LOC128462377: variants seen among roughly 807,000 people sequenced by gnomAD.
At chr16:89,332,890 T>C in the LOC128462377 span, among the ~76,000 whole-genome samples, 1 of 152,258 alleles carries the variant, frequency 6.6e-6, no homozygotes, top group Admixed American at 6.5e-5. Flanking sequence ...GCTGCTTTGT[T>C]TTTTAACGCA....
At chr16:89,332,504 A>G in the LOC128462377 span, among the ~76,000 whole-genome samples, 1 of 152,230 alleles carries the variant, frequency 6.6e-6, no homozygotes, top group African/African-American at 2.4e-5. Flanking sequence ...AATGCAAGAA[A>G]ACAGCCTCGT....
chr16:89,355,128 C>T, the LOC128462377 span, among the ~76,000 whole-genome samples: 1 of 152,166 alleles, frequency 6.6e-6, no homozygotes, highest in African/African-American at 2.4e-5. Context: ...TGTGGTCTCC[C>T]GTCTGGCCAA....
At chr16:89,376,931 C>A in the LOC128462377 span, among the ~76,000 whole-genome samples, 2 of 152,206 alleles carry the variant, frequency 1.3e-5, no homozygotes, top group Non-Finnish European at 2.9e-5. Flanking sequence ...AAGCTGCCTA[C>A]CTCAGAACCT....
At chr16:89,317,049 C>T in the LOC128462377 span, 2 of 1,603,358 alleles carry the variant, frequency 1.2e-6, no homozygotes, top group Non-Finnish European at 8.5e-7. Flanking sequence ...TCTTCATTTA[C>T]ACGGCCGGCG....
chr16:89,401,895 A>T, the LOC128462377 span, among the ~76,000 whole-genome samples: 28 of 149,380 alleles, frequency 1.9e-4, no homozygotes, highest in Admixed American at 1.3e-3. Context: ...CACACCAGAG[A>T]CTCCCCCATC....
At chr16:89,376,649 G>A in the LOC128462377 span, among the ~76,000 whole-genome samples, 1 of 152,156 alleles carries the variant, frequency 6.6e-6, no homozygotes, top group African/African-American at 2.4e-5. Context: ...ATGTTGGCCA[G>A]GCTGGTCTCA....
the LOC128462377 span, among the ~76,000 whole-genome samples, chr16:89,352,305 G>A: frequency 5.9e-5 from 9 of 151,822 alleles, no homozygotes; most frequent in African/African-American, 1.7e-4. Context: ...ATCACGCCAC[G>A]CGGTGCAGAG....
the LOC128462377 span, among the ~76,000 whole-genome samples, chr16:89,381,438 G>A: frequency 4.6e-5 from 7 of 151,654 alleles, no homozygotes; most frequent in African/African-American, 1.5e-4. Context: ...ACCAGTTTAG[G>A]GTTATTGTAT....
the LOC128462377 span, among the ~76,000 whole-genome samples, chr16:89,390,696 G>C: frequency 1.3e-5 from 2 of 152,090 alleles, no homozygotes; most frequent in Admixed American, 6.6e-5. Flanking sequence ...GAAACAGTGA[G>C]CACACAGCCA....
the LOC128462377 span, among the ~76,000 whole-genome samples, chr16:89,332,682 G>A: frequency 6.6e-6 from 1 of 152,218 alleles, no homozygotes; most frequent in East Asian, 1.9e-4. Context: ...GAGGCGCTGA[G>A]ACCAGGCAGG....
At chr16:89,395,336 G>T in the LOC128462377 span, among the ~76,000 whole-genome samples, 1 of 152,244 alleles carries the variant, frequency 6.6e-6, no homozygotes, top group Non-Finnish European at 1.5e-5. Context: ...CGGTGTGGAA[G>T]GAACCCTGAC....
the LOC128462377 span, among the ~76,000 whole-genome samples, chr16:89,380,543 G>A: frequency 1.4e-4 from 18 of 127,384 alleles, no homozygotes; most frequent in African/African-American, 4.7e-4. Flanking sequence ...CACAGGGCAC[G>A]AAGAGCAGCC....
the LOC128462377 span, among the ~76,000 whole-genome samples, chr16:89,317,549 C>G: frequency 1.3e-5 from 2 of 152,186 alleles, no homozygotes; most frequent in Non-Finnish European, 1.5e-5. Context: ...CACTCACCAC[C>G]TGGGAAGGAG....
the LOC128462377 span, among the ~76,000 whole-genome samples, chr16:89,394,762 G>A: frequency 6.6e-6 from 1 of 152,158 alleles, no homozygotes; most frequent in Non-Finnish European, 1.5e-5. Flanking sequence ...CAAGGATGCT[G>A]TAAAATTACA....
chr16:89,386,031 C>T, the LOC128462377 span, among the ~76,000 whole-genome samples: 5 of 152,232 alleles, frequency 3.3e-5, no homozygotes, highest in East Asian at 9.6e-4. Flanking sequence ...GGGTGTGCGC[C>T]GCCATGCCCG....
At chr16:89,317,548 C>G in the LOC128462377 span, among the ~76,000 whole-genome samples, 15 of 152,192 alleles carry the variant, frequency 9.9e-5, no homozygotes, top group East Asian at 2.1e-3. Flanking sequence ...CCACTCACCA[C>G]CTGGGAAGGA....
chr16:89,338,987 G>A, the LOC128462377 span, among the ~76,000 whole-genome samples: 1 of 152,090 alleles, frequency 6.6e-6, no homozygotes, highest in East Asian at 1.9e-4. Flanking sequence ...AGTCACCACC[G>A]AGGGCCTCAC....
chr16:89,348,109 T>C, the LOC128462377 span, among the ~76,000 whole-genome samples: 3 of 152,042 alleles, frequency 2.0e-5, no homozygotes, highest in African/African-American at 7.3e-5. Flanking sequence ...TTTTTGTATT[T>C]TTTGTACAGA....
chr16:89,380,470 G>C, the LOC128462377 span, among the ~76,000 whole-genome samples: 1 of 152,156 alleles, frequency 6.6e-6, no homozygotes, highest in African/African-American at 2.4e-5. Flanking sequence ...TGAGCCTTCA[G>C]ATAGCTTCCT....
Sources: allele counts gnomAD v4.1 joint callset (sites outside exome capture counted in the v4.1 genomes callset), GRCh38; gene constraint gnomAD v4.1.1; transcripts MANE v1.5.